The following CCSER1 variants were observed in gnomAD, a reference collection of about 807,000 sequenced individuals.
The protein encoded by CCSER1 is serine-rich coiled-coil domain-containing protein 1.
CCSER1 carries 41 observed loss-of-function variants against 82.0 expected under a neutral mutation model. The ratio of observed to expected loss-of-function variants is 0.50; its 90% confidence interval spans 0.39 to 0.65. The LOEUF (loss-of-function observed/expected upper bound fraction) is 0.65, where lower values mean the gene tolerates loss of function less well. Among genes scored for constraint, CCSER1 ranks in the 30% least tolerant of loss-of-function variants. CCSER1 has a pLI of 0.00. For missense variants in CCSER1, 1,119 were observed against 1,064.2 expected (o/e 1.05, Z -0.72); for synonymous variants, 414 against 383.9 (o/e 1.08, Z -0.92).
intron 10 of CCSER1, among the ~76,000 whole-genome samples, chr4:91,276,578 C>T (rs1456127602): frequency 6.6e-6 from 1 of 151,900 alleles, no homozygotes; most frequent in Non-Finnish European, 1.5e-5. Context: ...GAAATAAGAT[C>T]ATGTCATCTC....
At chr4:90,807,838 C>G (rs1340631027) in intron 7 of CCSER1, among the ~76,000 whole-genome samples, 1 of 151,862 alleles carries the variant, frequency 6.6e-6, no homozygotes, top group Non-Finnish European at 1.5e-5. Context: ...TCCAAAGATT[C>G]AATGCAATTC....
chr4:91,270,341 A>G (rs1408210509), intron 10 of CCSER1, among the ~76,000 whole-genome samples: 4 of 152,178 alleles, frequency 2.6e-5, no homozygotes, highest in Non-Finnish European at 5.9e-5. Context: ...ACAAGATGGT[A>G]TGTTACTCTT....
chr4:90,437,274 C>CGT (rs1442196565), intron 4 of CCSER1, among the ~76,000 whole-genome samples: 6 of 147,798 alleles, frequency 4.1e-5, no homozygotes, highest in African/African-American at 7.7e-5. Flanking sequence ...CACACATGCG[C>CGT]GCGCACACAC....
chr4:91,088,728 A>G (rs898591619), intron 10 of CCSER1, among the ~76,000 whole-genome samples: 1 of 149,432 alleles, frequency 6.7e-6, no homozygotes, highest in African/African-American at 2.4e-5. Flanking sequence ...GTAGAATGCT[A>G]TACAAAATGT....
intron 10 of CCSER1, among the ~76,000 whole-genome samples, chr4:91,468,897 T>A (rs534191479): frequency 6.6e-5 from 10 of 152,242 alleles, no homozygotes; most frequent in African/African-American, 2.4e-4. Flanking sequence ...AAGGCTATCA[T>A]AAATATGTCC....
At chr4:91,268,222 G>T (rs1741752453) in intron 10 of CCSER1, among the ~76,000 whole-genome samples, 1 of 152,090 alleles carries the variant, frequency 6.6e-6, no homozygotes, top group Non-Finnish European at 1.5e-5. Flanking sequence ...AAATAAAAAA[G>T]AAGGGCATAC....
intron 10 of CCSER1, among the ~76,000 whole-genome samples, chr4:91,592,464 T>C (rs1240707216): frequency 1.3e-5 from 2 of 152,098 alleles, no homozygotes; most frequent in Non-Finnish European, 2.9e-5. Flanking sequence ...GGAAATAAAA[T>C]ATATGGTATT....
chr4:91,490,011 C>T (rs545226227), intron 10 of CCSER1, among the ~76,000 whole-genome samples: 2 of 152,186 alleles, frequency 1.3e-5, no homozygotes, highest in South Asian at 2.1e-4. Flanking sequence ...ATCATTGATC[C>T]TCAGAGAATT....
At chr4:90,537,049 T>C (rs1159440515) in intron 5 of CCSER1, among the ~76,000 whole-genome samples, 2 of 152,202 alleles carry the variant, frequency 1.3e-5, no homozygotes, top group Non-Finnish European at 2.9e-5. Flanking sequence ...TTGATGATTT[T>C]ATCTTTAACT....
At chr4:90,150,110 C>G (rs997549360) in intron 1 of CCSER1, among the ~76,000 whole-genome samples, 1 of 152,114 alleles carries the variant, frequency 6.6e-6, no homozygotes, top group African/African-American at 2.4e-5. Flanking sequence ...TGAATATATT[C>G]GTGCAATGAA....
intron 3 of CCSER1, among the ~76,000 whole-genome samples, chr4:90,392,552 A>G (rs893406429): frequency 1.3e-5 from 2 of 152,134 alleles, no homozygotes; most frequent in Non-Finnish European, 1.5e-5. Flanking sequence ...AAATACAAAA[A>G]CACACAGCAA....
At chr4:90,448,900 G>A (rs1337392221) in intron 4 of CCSER1, among the ~76,000 whole-genome samples, 3 of 152,022 alleles carry the variant, frequency 2.0e-5, no homozygotes, top group Admixed American at 2.0e-4. Context: ...GGCAGGTCCC[G>A]AGTTCTTGTC....
intron 10 of CCSER1, among the ~76,000 whole-genome samples, chr4:91,333,051 C>T (rs1747067338): frequency 6.6e-6 from 1 of 151,948 alleles, no homozygotes; most frequent in African/African-American, 2.4e-5. Context: ...GATTTTTATG[C>T]TTATGAGCAT....
rs60715735 is a variant in CCSER1 at position 90,159,654 on chromosome 4, T to C, written c.-42+31823T>C. Among the ~76,000 whole-genome samples, 994 of 152,336 alleles carry C rather than the reference T, an allele frequency of 6.5e-3. 12 individuals are homozygous for C. Among genetic ancestry groups the C allele is most frequent in the African/African-American group, 0.023 (944 of 41,566 alleles). On this transcript the variant is annotated intron_variant, in intron 1 of 10. Transcript: ENST00000509176. Reference sequence around the variant, plus strand: ...GCTTTTTATCTTGCAGGTAAATGATTTAATATTCACAGAATGTAGTGACCT... The same window carrying C: ...GCTTTTTATCTTGCAGGTAAATGATCTAATATTCACAGAATGTAGTGACCT...
At chr4:90,562,824 C>T (rs1778932194) in intron 5 of CCSER1, among the ~76,000 whole-genome samples, 1 of 148,158 alleles carries the variant, frequency 6.7e-6, no homozygotes, top group Non-Finnish European at 1.5e-5. Flanking sequence ...AGGCTTGAGC[C>T]ATCATGCCCA....
At chr4:91,017,256 G>A (rs1292319858) in intron 9 of CCSER1, 1 of 152,194 alleles carries the variant, frequency 6.6e-6, no homozygotes, top group Non-Finnish European at 1.5e-5. Context: ...AGCAAGTTTT[G>A]TAACAACACG....
At chr4:90,449,114 A>G (rs112088566) in intron 4 of CCSER1, among the ~76,000 whole-genome samples, 1 of 152,296 alleles carries the variant, frequency 6.6e-6, no homozygotes, top group Non-Finnish European at 1.5e-5. Context: ...TCACCCTGAC[A>G]TCTGCTCAGC....
At chr4:91,165,689 G>A (rs1396584061) in intron 10 of CCSER1, among the ~76,000 whole-genome samples, 4 of 152,270 alleles carry the variant, frequency 2.6e-5, no homozygotes, top group African/African-American at 9.6e-5. Context: ...ATCTCAGACT[G>A]CTGCGCTAGC....
chr4:91,501,033 A>G (rs1045791251), intron 10 of CCSER1, among the ~76,000 whole-genome samples: 1 of 151,842 alleles, frequency 6.6e-6, no homozygotes, highest in Non-Finnish European at 1.5e-5. Context: ...AAATGCCCTT[A>G]ATAATTATAG....
Sources: allele counts gnomAD v4.1 joint callset (sites outside exome capture counted in the v4.1 genomes callset), GRCh38; gene constraint gnomAD v4.1.1; transcripts MANE v1.5; gene names NCBI Gene and HGNC (gene_info 2026-07-23, HGNC 2026-07-21).